The following TMEM131 variants were observed in gnomAD, a reference collection of about 807,000 sequenced individuals.
TMEM131 encodes transmembrane protein 131.
TMEM131 carries 66 observed loss-of-function variants against 211.6 expected under a neutral mutation model. That is an observed-to-expected ratio of 0.31 (90% CI 0.26 to 0.38). The LOEUF (loss-of-function observed/expected upper bound fraction) is 0.38. TMEM131 is among the 10% of genes least tolerant of loss of function. The pLI, the probability that TMEM131 is intolerant of heterozygous loss-of-function variation, is 1.00. For synonymous variants in TMEM131, 844 were observed against 841.3 expected (o/e 1.00, Z -0.06); for missense variants, 2,036 against 2,299.3 (o/e 0.89, Z 2.34).
intron 4 of TMEM131, among the ~76,000 whole-genome samples, chr2:97,876,527 G>A (rs1674703303): frequency 6.6e-6 from 1 of 152,118 alleles, no homozygotes. Context: ...TTATCCCTGG[G>A]GTGGAAAGGC....
intron 1 of TMEM131, among the ~76,000 whole-genome samples, chr2:97,965,224 A>G (rs1679000491): frequency 6.6e-6 from 1 of 152,226 alleles, no homozygotes; most frequent in Non-Finnish European, 1.5e-5. Context: ...GGAAATTCAC[A>G]GAAACCGCCA....
intron 31 of TMEM131, among the ~76,000 whole-genome samples, chr2:97,781,118 T>C (rs1258381539): frequency 3.9e-5 from 6 of 152,202 alleles, no homozygotes; most frequent in African/African-American, 9.6e-5. Context: ...CTCCCTGAGA[T>C]TGCCCCTTTC....
At chr2:97,875,842 G>A (rs1413368073) in intron 4 of TMEM131, among the ~76,000 whole-genome samples, 1 of 152,084 alleles carries the variant, frequency 6.6e-6, no homozygotes, top group Non-Finnish European at 1.5e-5. Context: ...TCAAAATCTA[G>A]CAGAAGACAA....
intron 7 of TMEM131, among the ~76,000 whole-genome samples, chr2:97,841,576 A>G (rs1315507967): frequency 6.6e-6 from 1 of 152,232 alleles, no homozygotes. Context: ...GAGAAGACAC[A>G]GTCGTTTTAA....
chr2:97,945,873 A>AGCAATT (rs1216329021), intron 1 of TMEM131, among the ~76,000 whole-genome samples: 3 of 152,180 alleles, frequency 2.0e-5, no homozygotes, highest in Non-Finnish European at 2.9e-5. Flanking sequence ...ATATACATCA[A>AGCAATT]GCAATTGTAA....
chr2:97,845,756 T>A (rs1175715960), intron 5 of TMEM131, among the ~76,000 whole-genome samples: 23 of 83,544 alleles, frequency 2.8e-4, no homozygotes, highest in Non-Finnish European at 3.7e-4. Context: ...AAACAGAAAG[T>A]AGCAAAAAAA....
At chr2:97,793,795 C>T (rs904022280) in intron 29 of TMEM131, among the ~76,000 whole-genome samples, 2 of 151,740 alleles carry the variant, frequency 1.3e-5, no homozygotes, top group South Asian at 2.1e-4. Context: ...GAGATCGACA[C>T]CATCCTGGCT....
intron 4 of TMEM131, among the ~76,000 whole-genome samples, chr2:97,874,794 C>T (rs1674626131): frequency 6.6e-6 from 1 of 152,130 alleles, no homozygotes; most frequent in Non-Finnish European, 1.5e-5. Context: ...AGAACATCAA[C>T]ACTATGAAGA....
chr2:97,775,521 A>G (rs536465673), intron 32 of TMEM131, among the ~76,000 whole-genome samples: 12 of 152,206 alleles, frequency 7.9e-5, no homozygotes, highest in Non-Finnish European at 1.6e-4. Flanking sequence ...AAGTTTCATG[A>G]GGTAGAATAG....
chr2:97,930,645 T>C (rs1677180798), intron 1 of TMEM131, among the ~76,000 whole-genome samples: 1 of 151,784 alleles, frequency 6.6e-6, no homozygotes, highest in African/African-American at 2.4e-5. Flanking sequence ...CTTTCAATTA[T>C]ATGCCTCAAA....
intron 5 of TMEM131, among the ~76,000 whole-genome samples, chr2:97,847,182 G>T (rs930206213): frequency 6.7e-6 from 1 of 150,260 alleles, no homozygotes; most frequent in African/African-American, 2.4e-5. Context: ...AGTGAGATTC[G>T]GTCTCAAAAA....
At chr2:97,761,068 C>T in intron 36 of TMEM131, 154 bp from the exon 37 acceptor site, 1 of 912,858 alleles carries the variant, frequency 1.1e-6, no homozygotes, top group East Asian at 2.5e-5. Context: ...GCTCTGGGGC[C>T]TCAGACTGCT....
chr2:97,845,430 A>G (rs1231068666), intron 5 of TMEM131, among the ~76,000 whole-genome samples: 1 of 152,190 alleles, frequency 6.6e-6, no homozygotes, highest in Non-Finnish European at 1.5e-5. Context: ...AGCAACAGAA[A>G]GATACCCGGC....
chr2:97,841,841 G>A lies in TMEM131; in HGVS notation c.697C>T (p.His233Tyr), dbSNP rs1210804297. The A allele has an allele frequency of 6.3e-7, 1 of 1,597,148 alleles. No homozygotes were observed. The highest frequency in any genetic ancestry group is 1.7e-5 in the Admixed American group (1 of 58,084). ...NSSFSPIINIHNPHSEPLQVV... is the reference protein window; with the variant it reads ...NSSFSPIINIYNPHSEPLQVV... ...TGTAAAGGCTCACTGTGAGGATTGT[G>A]GATGTTTATTATAGGTGAGAAACTG... The change falls in exon 7 of 41, where the codon CAC becomes TAC. Residue 233 changes from histidine to tyrosine, a missense_variant. Physicochemically the swap from His to Tyr is moderately conservative, Grantham distance 83 (BLOSUM62 2). Around this residue, in one of 3 missense-constraint regions of TMEM131, gnomAD observed 277 missense variants for 378.0 expected, o/e 0.73. Transcript: ENST00000186436.
At chr2:97,822,954 C>CTG (rs1682200755) in intron 11 of TMEM131, among the ~76,000 whole-genome samples, 2 of 152,224 alleles carry the variant, frequency 1.3e-5, no homozygotes, top group South Asian at 2.1e-4. Context: ...TATTCTCTCT[C>CTG]TGATGGGGAA....
At chr2:97,870,531 G>A (rs770736050) in intron 4 of TMEM131, among the ~76,000 whole-genome samples, 6 of 152,058 alleles carry the variant, frequency 3.9e-5, no homozygotes, top group Admixed American at 1.3e-4. Context: ...GCAGAACTAC[G>A]AACTGTCCAT....
intron 3 of TMEM131, among the ~76,000 whole-genome samples, chr2:97,893,869 C>T (rs1000196471): frequency 5.3e-5 from 8 of 152,138 alleles, no homozygotes; most frequent in African/African-American, 1.7e-4. Flanking sequence ...TGTGCAGAAA[C>T]TCTTTAGTTT....
chr2:97,925,354 G>A (rs1407527260), intron 2 of TMEM131, among the ~76,000 whole-genome samples: 1 of 152,142 alleles, frequency 6.6e-6, no homozygotes, highest in East Asian at 1.9e-4. Context: ...ACCTGACCAG[G>A]GCATCCTGTG....
At chr2:97,917,439 TACAG>T (rs1158845569) in intron 2 of TMEM131, among the ~76,000 whole-genome samples, 1 of 152,000 alleles carries the variant, frequency 6.6e-6, no homozygotes, top group Non-Finnish European at 1.5e-5. Context: ...TCAAGAAAAA[TACAG>T]ACAATGTACA....
Sources: allele counts gnomAD v4.1 joint callset (sites outside exome capture counted in the v4.1 genomes callset), GRCh38; gene constraint gnomAD v4.1.1; regional missense constraint gnomAD v4.1.1; transcripts MANE v1.5; gene names NCBI Gene and HGNC (gene_info 2026-07-23, HGNC 2026-07-21).